Variants in TLE6 observed in about 807,000 individuals in gnomAD.
TLE6 encodes TLE family member 6, subcortical maternal complex member, also known as transducin-like enhancer protein 6.
Under a neutral mutation model 77.1 loss-of-function variants are expected in TLE6, and 72 were observed. The ratio of observed to expected loss-of-function variants is 0.93; its 90% CI spans 0.77 to 1.14. The LOEUF is 1.14. TLE6 is among the 50% of genes most tolerant of loss of function. The pLI, the probability that TLE6 is intolerant of heterozygous loss-of-function variation, is 0.00. For synonymous variants in TLE6, 366 were observed against 287.3 expected (o/e 1.27, Z -2.77); for missense variants, 843 against 747.6 (o/e 1.13, Z -1.49).
At position 2,994,006 on chromosome 19, in the gene TLE6, C is replaced by A. The variant is rs1442129480; in HGVS notation, c.1538-13C>A. 1 of 1,599,484 alleles carries A rather than the reference C, an allele frequency of 6.3e-7. No individual in the cohort carries two copies. Among genetic ancestry groups the A allele is most frequent in the East Asian group, 2.2e-5 (1 of 44,498 alleles). ...AGTGGTTCTAAGTCTCGCTGATGCT[C>A]CATTTCTCCCAGGCCAGTGGTGGGC... On this transcript the variant is annotated splice_polypyrimidine_tract_variant and intron_variant, in intron 15 of 16. Transcript: ENST00000246112.
intron 2 of TLE6, 112 bp from the exon 3 acceptor site, chr19:2,979,988 C>G: frequency 3.5e-6 from 2 of 568,986 alleles, no homozygotes; most frequent in Non-Finnish European, 5.7e-6. Context: ...AAAGCAAAAA[C>G]CACAATTACT....
At position 2,987,080 on chromosome 19, in the gene TLE6, C is replaced by A; in HGVS notation, c.383C>A (p.Ser128Tyr). The change falls in exon 7 of 17, where the codon TCC becomes TAC. Residue 128 changes from serine (S) to tyrosine (Y), a missense_variant. Ser to Tyr is a moderately radical substitution (Grantham distance 144). Coordinates refer to ENST00000246112, the MANE Select transcript of TLE6 (RefSeq NM_001143986.2). ...SSFEDIMATR[S>Y]SDWLRRPLGE... ...TTTGAGGACATCATGGCCACCAGGT[C>A]CTCCGACTGGCTCCGGCGGCCTTTG... 6.2e-7 allele frequency: 1 copy of A among 1,614,182 alleles called. No homozygotes were observed. The highest frequency in any genetic ancestry group is 8.5e-7 in the Non-Finnish European group (1 of 1,180,026).
intron 14 of TLE6, among the ~76,000 whole-genome samples, chr19:2,992,793 A>AAGG (rs1487334518): frequency 5.1e-5 from 1 of 19,760 alleles, no homozygotes; most frequent in African/African-American, 2.6e-4. Context: ...AAAAAAAAAA[A>AAGG]GGGGGGGAGG....
At chr19:2,980,758 AG>A (rs1208135277) in intron 3 of TLE6, among the ~76,000 whole-genome samples, 1 of 149,114 alleles carries the variant, frequency 6.7e-6, no homozygotes, top group East Asian at 2.0e-4. Flanking sequence ...AAAAAAAAAA[AG>A]TACTGCATGG....
intron 5 of TLE6, among the ~76,000 whole-genome samples, chr19:2,985,370 C>T (rs2088884689): frequency 1.3e-5 from 2 of 148,906 alleles, no homozygotes; most frequent in Non-Finnish European, 3.0e-5. Flanking sequence ...CCTAGGGAGA[C>T]CTAGGTATGC....
intron 13 of TLE6, 128 bp from the exon 14 acceptor site, chr19:2,991,715 T>A (rs2089069371): frequency 2.4e-6 from 2 of 842,584 alleles, no homozygotes; most frequent in Non-Finnish European, 1.8e-6. Flanking sequence ...ACTTTGACAC[T>A]CTGTGCAGGC....
intron 5 of TLE6, chr19:2,984,442 ACTTAAG>A: frequency 6.6e-6 from 1 of 152,160 alleles, no homozygotes; most frequent in Middle Eastern, 3.4e-3. Flanking sequence ...GTAGAAAAAA[ACTTAAG>A]AGATAGGATC....
chr19:2,979,480 C>T (rs897762520), intron 2 of TLE6, among the ~76,000 whole-genome samples: 1 of 151,660 alleles, frequency 6.6e-6, no homozygotes, highest in African/African-American at 2.4e-5. Context: ...CTCCTGACCT[C>T]AGGTGTTCTG....
At chr19:2,993,978 GGT>G in intron 15 of TLE6, 39 bp from the exon 16 acceptor site, 2 of 1,480,726 alleles carry the variant, frequency 1.4e-6, no homozygotes, top group Non-Finnish European at 1.9e-6. Context: ...GAAGGAAAAA[GGT>G]AGTGGTTCTA....
At chr19:2,981,455 C>G in intron 3 of TLE6, 83 bp from the exon 4 acceptor site, 1 of 1,469,480 alleles carries the variant, frequency 6.8e-7, no homozygotes, top group Non-Finnish European at 9.3e-7. Context: ...TTGAGACCCT[C>G]CCTAGGGGTT....
chr19:2,991,635 C>T (rs1341567155), intron 13 of TLE6, among the ~76,000 whole-genome samples: 1 of 149,834 alleles, frequency 6.7e-6, no homozygotes, highest in Non-Finnish European at 1.5e-5. Flanking sequence ...AGGGGAGGCC[C>T]AGGCGGACGG....
intron 13 of TLE6, among the ~76,000 whole-genome samples, chr19:2,991,314 G>C (rs1412082150): frequency 6.9e-6 from 1 of 145,542 alleles, no homozygotes; most frequent in Non-Finnish European, 1.5e-5. Flanking sequence ...AGCTGAGATC[G>C]TGCTGCTGCA....
chr19:2,993,455 C>A lies in TLE6; in HGVS notation c.1410C>A (p.Pro470=). The A allele has an allele frequency of 6.2e-7, 1 of 1,603,092 alleles. No homozygotes were observed. The highest frequency in any genetic ancestry group is 8.5e-7 in the Non-Finnish European group (1 of 1,171,754). ...AGATAATGAGCCTGTCCCACAGCCCCCAGGAGGACTGGGTGCTGCTGGGCA... is the reference window on the plus strand; with the variant it reads ...AGATAATGAGCCTGTCCCACAGCCCACAGGAGGACTGGGTGCTGCTGGGCA... ...KSQIMSLSHS[P]QEDWVLLGMA... is the part of the protein sequence containing the mutation. Residue 470 remains proline (P), a synonymous_variant, in exon 15 of 17, where the codon CCC becomes CCA. Transcript: ENST00000246112.
Position 2,987,909 on chromosome 19 carries a change from C to T in TLE6, c.637C>T (p.Pro213Ser). ...CPEDASTPRP[P>S]EASSSPPEGS... ...TGTCTCCCCACTAGCCCCCAGGCCA[C>T]CTGAGGCCTCCTCCAGTCCCCCTGA... Residue 213 changes from proline to serine, a missense_variant, in exon 10 of 17, where the codon CCT (proline) becomes TCT (serine). Physicochemically the swap from Pro to Ser is moderately conservative, Grantham distance 74. Coordinates refer to ENST00000246112, the MANE Select transcript of TLE6 (RefSeq NM_001143986.2). 1 of 1,609,674 alleles carries T rather than the reference C, an allele frequency of 6.2e-7. No homozygotes were observed. Among genetic ancestry groups the T allele is most frequent in the Non-Finnish European group, 8.5e-7 (1 of 1,177,148 alleles).
At chr19:2,987,321 T>C (rs2088937238) in intron 7 of TLE6, 35 bp from the exon 8 acceptor site, 1 of 1,614,040 alleles carries the variant, frequency 6.2e-7, no homozygotes, top group South Asian at 1.1e-5. Context: ...CTGTTCTCTC[T>C]GTCCCCCTCC....
Position 2,987,771 on chromosome 19 carries a change from A to G in TLE6, c.606A>G (p.Pro202=), listed in dbSNP as rs373031713. 38 of 1,614,012 alleles carry G rather than the reference A, an allele frequency of 2.4e-5. No individual in the cohort carries two copies. The African/African-American group carries it at 2.8e-4, about 12-fold the overall frequency. The stretch of plus-strand genomic sequence containing the variant: ...GATCCTGTGACCCAGGAACAGACCC[A>G]TGTCCTGAAGATGCCTCCAGTAATC... ...APGSCDPGTD[P]CPEDASTPRP... The change falls in exon 9 of 17, where the codon CCA becomes CCG. Residue 202 remains proline, a synonymous_variant. Transcript: ENST00000246112.
At chr19:2,990,348 C>T (rs1174424639) in intron 13 of TLE6, among the ~76,000 whole-genome samples, 1 of 151,416 alleles carries the variant, frequency 6.6e-6, no homozygotes, top group Non-Finnish European at 1.5e-5. Flanking sequence ...CACGCCTGTA[C>T]TCCCAGCAGT....
intron 5 of TLE6, chr19:2,984,354 C>T (rs1470150069): frequency 1.4e-5 from 2 of 147,370 alleles, no homozygotes; most frequent in Non-Finnish European, 3.0e-5. Context: ...CCCCCCCCCG[C>T]GGGGCTCCGA....
chr19:2,992,800 GAGGCGGGT>G (rs1568219715), intron 14 of TLE6, among the ~76,000 whole-genome samples: 7 of 51,840 alleles, frequency 1.4e-4, no homozygotes, highest in African/African-American at 4.8e-4. Flanking sequence ...AAAAGGGGGG[GAGGCGGGT>G]GGGGGGGGGG....
Sources: allele counts gnomAD v4.1 joint callset (sites outside exome capture counted in the v4.1 genomes callset), GRCh38; gene constraint gnomAD v4.1.1; transcripts MANE v1.5; gene names NCBI Gene and HGNC (gene_info 2026-07-23, HGNC 2026-07-21).